Variants in PPP4R2 observed in about 807,000 individuals in gnomAD.
The protein encoded by PPP4R2 is serine/threonine-protein phosphatase 4 regulatory subunit 2.
A neutral mutation model predicts 47.2 loss-of-function variants in PPP4R2; 13 were observed. The ratio of observed to expected loss-of-function variants is 0.28; its 90% CI spans 0.18 to 0.44. PPP4R2 has a LOEUF of 0.44. Ranked by LOEUF, PPP4R2 falls within the 20% of genes least tolerant of loss-of-function variation. The pLI is 1.00. For missense variants in PPP4R2, 421 were observed against 491.2 expected (o/e 0.86, Z 1.35); for synonymous variants, 151 against 163.3 (o/e 0.92, Z 0.57).
At chr3:73,029,418 G>T (rs1007066732) in intron 2 of PPP4R2, among the ~76,000 whole-genome samples, 2 of 152,176 alleles carry the variant, frequency 1.3e-5, no homozygotes, top group East Asian at 1.9e-4. Context: ...GAGGTGTTAA[G>T]AATTAGTCAC....
chr3:73,062,979 C>T (rs2637750), intron 5 of PPP4R2: 2 of 1,225,314 alleles, frequency 1.6e-6, no homozygotes, highest in Non-Finnish European at 1.2e-6. Context: ...CTCCATTGCT[C>T]TACGGGCCAT....
intron 2 of PPP4R2, among the ~76,000 whole-genome samples, chr3:73,022,576 T>C (rs1411405267): frequency 4.6e-5 from 7 of 152,170 alleles, no homozygotes; most frequent in African/African-American, 7.2e-5. Flanking sequence ...CTGTTACATA[T>C]GTAAATTCCA....
chr3:73,002,558 T>G (rs1426465172), intron 2 of PPP4R2, among the ~76,000 whole-genome samples: 6 of 151,986 alleles, frequency 3.9e-5, no homozygotes, highest in Non-Finnish European at 8.8e-5. Flanking sequence ...TTTCATATTT[T>G]GGCTGTTGTG....
Position 73,015,669 on chromosome 3 carries a change from G to A in PPP4R2, c.116+17511G>A, listed in dbSNP as rs1363167435. 3.5e-5 allele frequency among the ~76,000 whole-genome samples: 5 copies of A among 144,236 alleles called. No individual in the cohort carries two copies. The Admixed American group carries it at 3.5e-4, about 10-fold the overall frequency. The allele number at this position is 144,236 out of a possible 152,430, so 94.6% of individuals were successfully genotyped here. A position where few individuals can be genotyped will look rare whatever the true frequency, so the allele number is the denominator to read the frequency against. Reference sequence around the variant, plus strand: ...TTTTTTTTTTTTGAGACGGAGTTTCGCTGTGTCGCCCAGACTGGAGTGCAG... The same window carrying A: ...TTTTTTTTTTTTGAGACGGAGTTTCACTGTGTCGCCCAGACTGGAGTGCAG... On this transcript the variant is annotated intron_variant, in intron 2 of 8. Transcript: ENST00000356692.
At chr3:73,038,268 T>C (rs897507235) in intron 2 of PPP4R2, among the ~76,000 whole-genome samples, 1 of 152,220 alleles carries the variant, frequency 6.6e-6, no homozygotes, top group Non-Finnish European at 1.5e-5. Flanking sequence ...GCTGTGGTCA[T>C]TGTGAGCCGT....
chr3:73,030,024 T>C (rs1237925446), intron 2 of PPP4R2, among the ~76,000 whole-genome samples: 6 of 152,218 alleles, frequency 3.9e-5, no homozygotes. Context: ...GGGAGACAGC[T>C]GTTTTAAGGA....
chr3:73,002,672 C>T (rs1331632040), intron 2 of PPP4R2, among the ~76,000 whole-genome samples: 6 of 100,138 alleles, frequency 6.0e-5, no homozygotes, highest in East Asian at 4.7e-4. Flanking sequence ...GACGGAGTCT[C>T]GCTCTGTCAC....
At chr3:73,016,418 T>C (rs6777301) in intron 2 of PPP4R2, among the ~76,000 whole-genome samples, 80,181 of 151,934 alleles carry the variant, frequency 0.53, 21,554 homozygotes, top group African/African-American at 0.62. Context: ...CTATATTGCT[T>C]AGGACACTCC....
rs1316697736 is a variant in PPP4R2 at position 72,997,320 on chromosome 3, G to A, written c.34+249G>A. The A allele has an allele frequency of 1.3e-5, 5 of 390,304 alleles. No individual in the cohort carries two copies. In the East Asian group the frequency reaches 1.9e-4, roughly 15 times the overall value. 24.2% of individuals were successfully genotyped at this position (390,304 alleles called of 1,614,324 possible). On this transcript the variant is annotated intron_variant, in intron 1 of 8. Coordinates refer to ENST00000356692, the MANE Select transcript of PPP4R2 (RefSeq NM_174907.4). The stretch of plus-strand genomic sequence containing the variant: ...GGGGAGCCGGGGAAACTCTTGCGGG[G>A]GCCCCAGTCTTTCTCCCACCCGTTC...
intron 3 of PPP4R2, 26 bp downstream of exon 3, chr3:73,047,382 AT>A (rs1559562701): frequency 2.7e-6 from 4 of 1,455,232 alleles, no homozygotes; most frequent in Admixed American, 4.5e-5. Flanking sequence ...TGTTTTAAAG[AT>A]TTAATTTTTA....
chr3:73,062,173 C>T, intron 5 of PPP4R2: 7 of 1,552,996 alleles, frequency 4.5e-6, no homozygotes, highest in Non-Finnish European at 5.2e-6. Flanking sequence ...TCTTTTAGAC[C>T]TATGATTCTT....
At chr3:73,026,674 T>C (rs34476831) in intron 2 of PPP4R2, among the ~76,000 whole-genome samples, 1 of 150,948 alleles carries the variant, frequency 6.6e-6, no homozygotes, top group South Asian at 2.1e-4. Flanking sequence ...TTCATAAACT[T>C]TCTTGAAACA....
chr3:73,039,313 G>A (rs1702329196), intron 2 of PPP4R2, among the ~76,000 whole-genome samples: 1 of 152,050 alleles, frequency 6.6e-6, no homozygotes, highest in Non-Finnish European at 1.5e-5. Flanking sequence ...AGTAGAAATG[G>A]GGTTTCACCA....
intron 2 of PPP4R2, among the ~76,000 whole-genome samples, chr3:73,021,844 CTATATGTG>C (rs1252850056): frequency 2.9e-4 from 40 of 137,368 alleles, no homozygotes; most frequent in African/African-American, 2.9e-4. Flanking sequence ...TATTACATTT[CTATATGTG>C]TGTGTGTGTG....
At chr3:73,058,617 A>T (rs1702776774) in intron 3 of PPP4R2, among the ~76,000 whole-genome samples, 2 of 152,156 alleles carry the variant, frequency 1.3e-5, no homozygotes, top group East Asian at 3.9e-4. Flanking sequence ...ATCAGGGTAA[A>T]TGGGTTATCC....
In PPP4R2 at chr3:72,996,971, G is replaced by C. The variant is rs1701357132; in HGVS notation, c.-67G>C. 5.7e-6 allele frequency: 7 copies of C among 1,228,624 alleles called. No individual in the cohort carries two copies. The highest frequency in any genetic ancestry group is 7.4e-6 in the Non-Finnish European group (7 of 945,112). The allele number at this position is 1,228,624 out of a possible 1,614,324, so 76.1% of individuals were successfully genotyped here. ...AGGGGGAGGGCGTCGGGGGGGTGGG[G>C]GGAGGCGTTCCGGTCCCCAAGAGAC... is the stretch of plus-strand genomic sequence containing the variant. On this transcript the variant is annotated 5_prime_UTR_variant, in exon 1 of 9. Transcript: ENST00000356692.
intron 2 of PPP4R2, among the ~76,000 whole-genome samples, chr3:73,025,076 G>A (rs1318967249): frequency 6.6e-6 from 1 of 152,090 alleles, no homozygotes; most frequent in African/African-American, 2.4e-5. Flanking sequence ...CCTGGCCCTG[G>A]TCAGGTGGGG....
chr3:73,048,276 A>G (rs1261529132), intron 3 of PPP4R2, among the ~76,000 whole-genome samples: 1 of 151,926 alleles, frequency 6.6e-6, no homozygotes, highest in Admixed American at 6.6e-5. Context: ...TTGTTTTGAG[A>G]CAGAGTCTCG....
At chr3:73,002,577 T>C (rs1701492068) in intron 2 of PPP4R2, among the ~76,000 whole-genome samples, 1 of 151,612 alleles carries the variant, frequency 6.6e-6, no homozygotes, top group African/African-American at 2.4e-5. Flanking sequence ...TGAATAGTGC[T>C]GCAGTAAACA....
Sources: allele counts gnomAD v4.1 joint callset (sites outside exome capture counted in the v4.1 genomes callset), GRCh38; gene constraint gnomAD v4.1.1; transcripts MANE v1.5; gene names NCBI Gene and HGNC (gene_info 2026-07-23, HGNC 2026-07-21).